Variants in KRTCAP3 observed in about 807,000 individuals in gnomAD.
The protein encoded by KRTCAP3 is keratinocyte associated protein 3, also known as keratinocyte-associated protein 3.
A neutral mutation model predicts 20.5 loss-of-function variants in KRTCAP3; 18 were observed. The observed-to-expected ratio is 0.88, with a 90% CI of 0.61 to 1.31. The LOEUF (loss-of-function observed/expected upper bound fraction) is 1.31. Ranked by LOEUF, KRTCAP3 falls within the 50% of genes most tolerant of loss-of-function variation. The pLI is 0.00. For missense variants in KRTCAP3, 347 were observed against 310.4 expected, an observed-to-expected ratio of 1.12 and a Z score of -0.89; for synonymous variants, 167 against 133.7, an observed-to-expected ratio of 1.25 and a Z score of -1.72.
chr2:27,445,176 G>C (rs931222015), downstream of KRTCAP3: 3 of 1,596,630 alleles, frequency 1.9e-6, no homozygotes, highest in African/African-American at 1.3e-5. The surrounding 1 kb of genome is among the most constrained non-coding windows in gnomAD (Gnocchi z 4.4). Flanking sequence ...GGAGCAGCCT[G>C]GGGGGTAGAA....
chr2:27,445,636 A>G (rs984885029), downstream of KRTCAP3: 19 of 1,405,334 alleles, frequency 1.4e-5, no homozygotes, highest in East Asian at 4.4e-4. The surrounding 1 kb of genome is among the most constrained non-coding windows in gnomAD (Gnocchi z 4.4). Flanking sequence ...TTCACTGAAA[A>G]AACAGTGAGG....
At chr2:27,445,876 C>T (rs1572709896), downstream of KRTCAP3, 1 of 1,614,216 alleles carries the variant, frequency 6.2e-7, no homozygotes, top group Non-Finnish European at 8.5e-7. This position sits in a 1 kb window ranked among gnomAD's most constrained non-coding sequence, Gnocchi z 4.4. Flanking sequence ...GAACTAGGCA[C>T]AGCTCGCGAC....
In KRTCAP3 at chr2:27,443,089, G is replaced by A. The variant is rs771712290; in HGVS notation, c.289G>A (p.Ala97Thr). Residue 97 changes from alanine to threonine, a missense_variant, in exon 4 of 7, where the codon GCA becomes ACA. Coordinates refer to ENST00000288873, the MANE Select transcript of KRTCAP3 (RefSeq NM_173853.4). ...LRPPLHWVLL[A>T]LALVNLLLSV... ...TCCCTGCCAGCACTGGGTCCTGCTG[G>A]CACTAGCTCTGGTGAACCTGCTCTT... 1.1e-5 allele frequency: 18 copies of A among 1,613,668 alleles called. No individual in the cohort carries two copies. The highest frequency in any genetic ancestry group is 3.3e-4 in the Middle Eastern group (2 of 6,078).
intron 3 of KRTCAP3, 30 bp from the exon 4 acceptor site, chr2:27,443,044 C>T (rs752907420): frequency 2.5e-6 from 4 of 1,595,322 alleles, no homozygotes; most frequent in South Asian, 2.2e-5. Flanking sequence ...CAGGCCCAGG[C>T]TGCTCACCCT....
Position 27,442,624 on chromosome 2 carries a change from T to C in KRTCAP3, c.74T>C (p.Leu25Pro). The change falls in exon 2 of 7, where the codon CTG (leucine) becomes CCG (proline). Residue 25 changes from leucine (L) to proline (P), a missense_variant. Leu to Pro is a moderately conservative substitution (Grantham distance 98). Transcript: ENST00000288873. ...PRRLMRVGLA[L>P]ILVGHVNLLL... is the part of the protein sequence containing the mutation. ...CGGCTGATGCGTGTGGGCCTCGCGC[T>C]GATCTTGGTGGGCCACGTGAACCTG... 6.4e-7 allele frequency: 1 copy of C among 1,570,294 alleles called. No homozygotes were observed. The highest frequency in any genetic ancestry group is 8.6e-7 in the Non-Finnish European group (1 of 1,159,022).
intron 5 of KRTCAP3, 40 bp downstream of exon 5, chr2:27,443,572 TG>T: frequency 6.2e-7 from 1 of 1,611,186 alleles, no homozygotes. Context: ...CCACAGAGAC[TG>T]GCTGTGTTGA....
At position 27,442,445 on chromosome 2, in the gene KRTCAP3, C is replaced by A; in HGVS notation, c.28+5C>A. The A allele has an allele frequency of 6.4e-7, 1 of 1,570,132 alleles. No individual in the cohort carries two copies. Among genetic ancestry groups the A allele is most frequent in the Non-Finnish European group, 8.6e-7 (1 of 1,158,196 alleles). Reference sequence around the variant, plus strand: ...GCTGCAGTCTCTGCGCTTTCGGTAACTTCCGGGCCCTGGCGTCTCGTCTCC... The same window carrying A: ...GCTGCAGTCTCTGCGCTTTCGGTAAATTCCGGGCCCTGGCGTCTCGTCTCC... On this transcript the variant is annotated splice_donor_5th_base_variant and intron_variant, in intron 1 of 6. Transcript: ENST00000288873.
chr2:27,445,414 A>G (rs1238278691), downstream of KRTCAP3: 8 of 1,612,324 alleles, frequency 5.0e-6, no homozygotes, highest in African/African-American at 2.7e-5. This position sits in a 1 kb window ranked among gnomAD's most constrained non-coding sequence, Gnocchi z 4.4. Flanking sequence ...TGGAGACTGT[A>G]AGCACCCAGT....
chr2:27,445,960 A>G, downstream of KRTCAP3: 1 of 1,614,236 alleles, frequency 6.2e-7, no homozygotes. The surrounding 1 kb of genome is among the most constrained non-coding windows in gnomAD (Gnocchi z 4.4). Context: ...ATTGAGGAAG[A>G]TGAATGCCAT....
At position 27,442,587 on chromosome 2, in the gene KRTCAP3, C is replaced by T. The variant is rs1253462644; in HGVS notation, c.37C>T (p.Arg13Trp). 2 of 1,532,634 alleles carry T rather than the reference C, an allele frequency of 1.3e-6. No individual in the cohort carries two copies. Among genetic ancestry groups the T allele is most frequent in the Middle Eastern group, 1.7e-4 (1 of 5,734 alleles). The allele number at this position is 1,532,634 out of a possible 1,614,324, so 94.9% of individuals were successfully genotyped here. The change falls in exon 2 of 7, where the codon CGG becomes TGG. Residue 13 changes from arginine (R) to tryptophan (W), a missense_variant. Arg to Trp is a moderately radical substitution (Grantham distance 101). Coordinates refer to ENST00000288873, the MANE Select transcript of KRTCAP3 (RefSeq NM_173853.4). ...RCSLCAFDAA[R>W]GPRRLMRVGL... ...TCCCCCGTGCTTTGCAGACGCCGCC[C>T]GGGGGCCCAGGCGGCTGATGCGTGT...
intron 1 of KRTCAP3, 59 bp from the exon 2 acceptor site, chr2:27,442,520 C>G: frequency 2.0e-6 from 3 of 1,525,376 alleles, no homozygotes; most frequent in Non-Finnish European, 1.8e-6. Flanking sequence ...GTTAACCCGC[C>G]GCGAGCCGCC....
chr2:27,443,394 T>C lies in KRTCAP3; in HGVS notation c.481-4T>C, dbSNP rs376487109. On this transcript the variant is annotated splice_region_variant and splice_polypyrimidine_tract_variant and intron_variant, in intron 4 of 6. Coordinates refer to ENST00000288873, the MANE Select transcript of KRTCAP3 (RefSeq NM_173853.4). ...TCCTACTCCCCATCCTTCTTGCTTT[T>C]CAGGATACAGCCTTGGCTCTCTGGA... is the stretch of plus-strand genomic sequence containing the variant. 5 of 1,614,194 alleles carry C rather than the reference T, an allele frequency of 3.1e-6. No individual in the cohort carries two copies. Among genetic ancestry groups the C allele is most frequent in the Admixed American group, 1.7e-5 (1 of 60,030 alleles).
At position 27,442,542 on chromosome 2, in the gene KRTCAP3, C is replaced by T. The variant is rs375467712; in HGVS notation, c.29-37C>T. ...CGCCGCGAGCCGCCTCTCCCCTCCCCGCCCGACTCAACCCTGCCCTCCCCC... is the reference window on the plus strand; with the variant it reads ...CGCCGCGAGCCGCCTCTCCCCTCCCTGCCCGACTCAACCCTGCCCTCCCCC... On this transcript the variant is annotated intron_variant, in intron 1 of 6. Transcript: ENST00000288873. 51 of 1,534,728 alleles carry T rather than the reference C, an allele frequency of 3.3e-5. No individual in the cohort carries two copies. In the South Asian group the frequency reaches 5.8e-4, roughly 17 times the overall value.
At chr2:27,443,673 G>GT in intron 5 of KRTCAP3, 141 bp downstream of exon 5, 1 of 857,790 alleles carries the variant, frequency 1.2e-6, no homozygotes, top group Non-Finnish European at 1.8e-6. Flanking sequence ...GAGGTCAGGA[G>GT]TTTGAGACCA....
At position 27,442,439 on chromosome 2, in the gene KRTCAP3, C is replaced by T. The variant is rs747413587; in HGVS notation, c.27C>T (p.Phe9=). The T allele has an allele frequency of 1.6e-5, 25 of 1,569,518 alleles. No homozygotes were observed. The highest frequency in any genetic ancestry group is 2.1e-5 in the Non-Finnish European group (24 of 1,158,028). ...TGAGGCGCTGCAGTCTCTGCGCTTT[C>T]GGTAACTTCCGGGCCCTGGCGTCTC... MRRCSLCA[F]DAARGPRRLM... Residue 9 remains phenylalanine, a splice_region_variant and synonymous_variant, in exon 1 of 7, where the codon TTC becomes TTT. Coordinates refer to ENST00000288873, the MANE Select transcript of KRTCAP3 (RefSeq NM_173853.4).
At chr2:27,444,367 G>A, downstream of KRTCAP3, 5 of 986,290 alleles carry the variant, frequency 5.1e-6, no homozygotes, top group Non-Finnish European at 7.9e-6. Flanking sequence ...AAAGAATACA[G>A]TGGTCTCAAT....
chr2:27,446,408 C>T (rs566292247), downstream of KRTCAP3: 2 of 1,493,944 alleles, frequency 1.3e-6, no homozygotes, highest in African/African-American at 2.8e-5. Context: ...ACTGAGCTAC[C>T]AGACCAATGA....
At chr2:27,445,365 G>A (rs757212554), downstream of KRTCAP3, 11 of 1,613,152 alleles carry the variant, frequency 6.8e-6, no homozygotes, top group South Asian at 2.2e-5. The surrounding 1 kb of genome is among the most constrained non-coding windows in gnomAD (Gnocchi z 4.4). Context: ...TAGGCGCCAC[G>A]CTCATCCCGA....
At chr2:27,444,958 TTTC>T, downstream of KRTCAP3, 4 of 1,579,072 alleles carry the variant, frequency 2.5e-6, no homozygotes, top group Non-Finnish European at 3.4e-6. Flanking sequence ...CTTGTTTTTT[TTTC>T]TTTTTTTAGT....
Sources: allele counts gnomAD v4.1 joint callset, GRCh38; gene constraint gnomAD v4.1.1; non-coding constraint Gnocchi (gnomAD v3.1); transcripts MANE v1.5; gene names NCBI Gene and HGNC (gene_info 2026-07-23, HGNC 2026-07-21).